Variants in RAB3GAP1 observed in about 807,000 individuals in gnomAD.
RAB3GAP1 encodes the protein rab3 GTPase-activating protein catalytic subunit.
In RAB3GAP1, 86 loss-of-function variants were observed where a neutral mutation model predicts 130.7. That is an observed-to-expected ratio of 0.66 (90% confidence interval 0.55 to 0.79). The LOEUF (loss-of-function observed/expected upper bound fraction) is 0.79, where lower values mean the gene tolerates loss of function less well. RAB3GAP1 is among the 30% of genes least tolerant of loss of function. The pLI is 0.00. For synonymous variants in RAB3GAP1, 367 were observed against 401.7 expected (o/e 0.91, Z 1.03); for missense variants, 1,029 against 1,169.4 (o/e 0.88, Z 1.75).
chr2:135,163,152 ACT>A, intron 22 of RAB3GAP1, 51 bp downstream of exon 22: 1 of 1,270,624 alleles, frequency 7.9e-7, no homozygotes, highest in Non-Finnish European at 1.2e-6. Flanking sequence ...AAAAGCCACC[ACT>A]CTCTTAAGAA....
chr2:135,103,911 C>G (rs939307979), intron 5 of RAB3GAP1, among the ~76,000 whole-genome samples: 2 of 152,168 alleles, frequency 1.3e-5, no homozygotes, highest in Non-Finnish European at 2.9e-5. Flanking sequence ...AAGACAGATA[C>G]CCTCTCTACA....
intron 7 of RAB3GAP1, among the ~76,000 whole-genome samples, chr2:135,117,636 GCTTCTTCTTCTGCTTCTGCTT>G (rs1691046637): frequency 7.2e-5 from 1 of 13,858 alleles, no homozygotes; most frequent in Admixed American, 6.8e-4. Context: ...TTCTGCTTCT[GCTTCTTCTTCTGCTTCTGCTT>G]CTTCTGCTTC....
intron 17 of RAB3GAP1, among the ~76,000 whole-genome samples, chr2:135,145,567 A>G (rs1290349433): frequency 1.3e-5 from 2 of 152,176 alleles, no homozygotes; most frequent in African/African-American, 2.4e-5. Context: ...TTCCATTTCT[A>G]CCATTTAGCA....
chr2:135,103,553 A>G (rs1277131524), intron 5 of RAB3GAP1, among the ~76,000 whole-genome samples: 1 of 152,128 alleles, frequency 6.6e-6, no homozygotes, highest in Non-Finnish European at 1.5e-5. Flanking sequence ...AAAAGGCATT[A>G]AACTGGACAG....
intron 22 of RAB3GAP1, among the ~76,000 whole-genome samples, chr2:135,164,147 A>G (rs1692554859): frequency 6.6e-6 from 1 of 152,244 alleles, no homozygotes; most frequent in Admixed American, 6.5e-5. Flanking sequence ...GCCCAACACA[A>G]GTATTTTAAG....
intron 3 of RAB3GAP1, among the ~76,000 whole-genome samples, chr2:135,059,914 C>G (rs1279697039): frequency 6.6e-6 from 1 of 151,952 alleles, no homozygotes; most frequent in Non-Finnish European, 1.5e-5. Context: ...GTGTAGAGGA[C>G]AGGGATTGTT....
intron 3 of RAB3GAP1, 30 bp from the exon 4 acceptor site, chr2:135,090,968 A>T (rs753185575): frequency 1.3e-6 from 2 of 1,588,216 alleles, no homozygotes; most frequent in Non-Finnish European, 1.7e-6. Context: ...GATTAAGGTA[A>T]ATATTTTGCC....
At chr2:135,055,017 T>C (rs542010687) in intron 2 of RAB3GAP1, among the ~76,000 whole-genome samples, 1 of 152,342 alleles carries the variant, frequency 6.6e-6, no homozygotes, top group South Asian at 2.1e-4. Context: ...ACAATATTTA[T>C]TGAATCCCCA....
rs777867342 is a variant in RAB3GAP1, at chr2:135,109,091, C to CTTGAAGT, written c.363-4055_363-4049dup. ...TGATTTCTGTAGCTTTATAGTAGTG[C>CTTGAAGT]TTGAAGTTTGATAGTGTTAGTTCTC... On this transcript the variant is annotated intron_variant, in intron 5 of 23. Transcript: ENST00000264158. Among the ~76,000 whole-genome samples the CTTGAAGT allele has an allele frequency of 2.4e-4, 36 of 152,140 alleles. 1 individual carries two copies. The highest frequency in any genetic ancestry group is 2.3e-3 in the South Asian group (11 of 4,818).
At chr2:135,129,123 G>C (rs541836910) in intron 11 of RAB3GAP1, among the ~76,000 whole-genome samples, 13 of 152,284 alleles carry the variant, frequency 8.5e-5, no homozygotes, top group Non-Finnish European at 1.6e-4. Context: ...CTGCACTCCA[G>C]CTTGGGCGAC....
chr2:135,157,831 CAAAAA>C (rs58810979), intron 19 of RAB3GAP1, among the ~76,000 whole-genome samples: 4 of 87,204 alleles, frequency 4.6e-5, no homozygotes, highest in Admixed American at 1.1e-4. Context: ...GAATCCATCT[CAAAAA>C]AAAAAAAAAA....
chr2:135,131,827 T>A (rs1376696476), intron 13 of RAB3GAP1, among the ~76,000 whole-genome samples: 3 of 152,230 alleles, frequency 2.0e-5, no homozygotes, highest in African/African-American at 4.8e-5. Flanking sequence ...CTTTGATAAA[T>A]GATAGCTATT....
At position 135,153,832 on chromosome 2, in the gene RAB3GAP1, A is replaced by G. The variant is rs780145023; in HGVS notation, c.2245A>G (p.Arg749Gly). The change falls in exon 19 of 24, where the codon AGA becomes GGA. Residue 749 changes from arginine (R) to glycine (G), a missense_variant. Physicochemically the swap from Arg to Gly is moderately radical, Grantham distance 125 (BLOSUM62 -2). Coordinates refer to ENST00000264158, the MANE Select transcript of RAB3GAP1 (RefSeq NM_012233.3). ...AWETAKPIPA[R>G]RQRRLFDDTR... Reference sequence around the variant, plus strand: ...GGAAACAGCTAAGCCAATTCCTGCTAGAAGGCAAAGGAGACTCTTTGATGA... The same window carrying G: ...GGAAACAGCTAAGCCAATTCCTGCTGGAAGGCAAAGGAGACTCTTTGATGA... 1.2e-6 allele frequency: 2 copies of G among 1,613,954 alleles called. No homozygotes were observed. The highest frequency in any genetic ancestry group is 2.2e-5 in the East Asian group (1 of 44,890).
At chr2:135,093,538 T>G in intron 4 of RAB3GAP1, 77 bp from the exon 5 acceptor site, 1 of 1,048,926 alleles carries the variant, frequency 9.5e-7, no homozygotes, top group Non-Finnish European at 1.5e-6. Context: ...GCAAGACATG[T>G]GTTTCCTCAA....
intron 5 of RAB3GAP1, among the ~76,000 whole-genome samples, chr2:135,094,088 A>G (rs1690223830): frequency 6.6e-6 from 1 of 152,216 alleles, no homozygotes; most frequent in African/African-American, 2.4e-5. Context: ...CCCAGAAGGA[A>G]AGCAGGTGTT....
rs368383124 is a variant in RAB3GAP1, at chr2:135,135,736, A to G, written c.1727A>G (p.Asp576Gly). Residue 576 changes from aspartate (D) to glycine (G), a missense_variant, in exon 17 of 24, where the codon GAT becomes GGT. Around this residue, in one of 3 missense-constraint regions of RAB3GAP1, gnomAD observed 373 missense variants for 493.6 expected, o/e 0.76. Coordinates refer to ENST00000264158, the MANE Select transcript of RAB3GAP1 (RefSeq NM_012233.3). ...KEKGEVGKSW[D>G]SWSDSEEEFF... ...AAGGGAGAGGTAGGAAAATCTTGGG[A>G]TTCCTGGAGTGACAGCGAAGAAGAA... The G allele has an allele frequency of 4.3e-6, 7 of 1,613,894 alleles. No homozygotes were observed. The African/African-American group carries it at 9.3e-5, about 22-fold the overall frequency.
chr2:135,068,605 T>C (rs1048227960), intron 3 of RAB3GAP1, among the ~76,000 whole-genome samples: 2 of 151,984 alleles, frequency 1.3e-5, no homozygotes, highest in African/African-American at 4.8e-5. Flanking sequence ...ATACAAAAAT[T>C]AGCCAGGTGT....
At chr2:135,124,533 C>T (rs1019549410) in intron 9 of RAB3GAP1, among the ~76,000 whole-genome samples, 2 of 152,014 alleles carry the variant, frequency 1.3e-5, no homozygotes, top group Admixed American at 6.5e-5. Context: ...GGTGTGGTTG[C>T]GCACACCTGT....
chr2:135,123,041 T>C (rs568636944), intron 8 of RAB3GAP1, among the ~76,000 whole-genome samples: 26 of 152,262 alleles, frequency 1.7e-4, no homozygotes, highest in African/African-American at 6.0e-4. Context: ...AGACAAGTAT[T>C]GTCTTTCTTA....
Sources: allele counts gnomAD v4.1 joint callset (sites outside exome capture counted in the v4.1 genomes callset), GRCh38; gene constraint gnomAD v4.1.1; regional missense constraint gnomAD v4.1.1; transcripts MANE v1.5; gene names NCBI Gene and HGNC (gene_info 2026-07-23, HGNC 2026-07-21).